Variants in PLD5 observed in about 807,000 individuals in gnomAD.
PLD5 encodes phospholipase D family member 5, also known as inactive phospholipase D5.
PLD5 carries 36 observed loss-of-function variants against 61.1 expected under a neutral mutation model. The ratio of observed to expected loss-of-function variants is 0.59; its 90% confidence interval spans 0.45 to 0.78. The LOEUF (loss-of-function observed/expected upper bound fraction) is 0.78. PLD5 is among the 30% of genes least tolerant of loss of function. The pLI is 0.00. For missense variants in PLD5, 515 were observed against 644.4 expected, an observed-to-expected ratio of 0.80 and a Z score of 2.17; for synonymous variants, 243 against 242.8, an observed-to-expected ratio of 1.00 and a Z score of -0.01.
chr1:242,492,367 T>C (rs919100448), intron 1 of PLD5, among the ~76,000 whole-genome samples: 2 of 150,516 alleles, frequency 1.3e-5, no homozygotes, highest in African/African-American at 4.9e-5. Flanking sequence ...AAACAAATAC[T>C]AAAAATTAGC....
At chr1:242,461,003 T>C (rs767350480) in intron 1 of PLD5, among the ~76,000 whole-genome samples, 11 of 152,070 alleles carry the variant, frequency 7.2e-5, no homozygotes, top group Non-Finnish European at 1.6e-4. Flanking sequence ...TAGCCAGATG[T>C]GGTGGCATGC....
chr1:242,333,436 C>T (rs879909975), intron 2 of PLD5, among the ~76,000 whole-genome samples: 3 of 152,124 alleles, frequency 2.0e-5, no homozygotes, highest in Non-Finnish European at 2.9e-5. Flanking sequence ...GGAAAGGTCT[C>T]TGTCTTCTGG....
chr1:242,461,005 G>A (rs955930865), intron 1 of PLD5, among the ~76,000 whole-genome samples: 4 of 152,190 alleles, frequency 2.6e-5, no homozygotes, highest in African/African-American at 9.6e-5. Context: ...GCCAGATGTG[G>A]TGGCATGCAC....
At chr1:242,449,969 G>T (rs998277252) in intron 1 of PLD5, among the ~76,000 whole-genome samples, 13 of 152,238 alleles carry the variant, frequency 8.5e-5, no homozygotes, top group Non-Finnish European at 1.6e-4. Flanking sequence ...CAGGTGGAAA[G>T]AAAAGTTCTT....
At chr1:242,289,760 T>TA (rs1470171365) in intron 2 of PLD5, among the ~76,000 whole-genome samples, 1 of 152,188 alleles carries the variant, frequency 6.6e-6, no homozygotes, top group African/African-American at 2.4e-5. Context: ...GAGATATAAT[T>TA]AGGGCTCACA....
At chr1:242,170,354 GA>G (rs1342561123) in intron 5 of PLD5, among the ~76,000 whole-genome samples, 1 of 152,098 alleles carries the variant, frequency 6.6e-6, no homozygotes, top group Non-Finnish European at 1.5e-5. Flanking sequence ...CTGTTAGAAG[GA>G]AAACTAACAA....
intron 1 of PLD5, among the ~76,000 whole-genome samples, chr1:242,501,531 A>G (rs1350973035): frequency 3.3e-5 from 5 of 152,220 alleles, no homozygotes; most frequent in African/African-American, 1.2e-4. Context: ...CATTGACATG[A>G]GCACTGTAAA....
At chr1:242,180,144 G>C (rs316870) in intron 5 of PLD5, among the ~76,000 whole-genome samples, 127,516 of 152,204 alleles carry the variant, frequency 0.84, 53,893 homozygotes, top group African/African-American at 0.95. Flanking sequence ...GGTCCTGGCT[G>C]TGTCACCGAC....
intron 2 of PLD5, among the ~76,000 whole-genome samples, chr1:242,333,857 TGC>T (rs1301291860): frequency 2.0e-5 from 3 of 152,130 alleles, no homozygotes; most frequent in Admixed American, 2.0e-4. Flanking sequence ...AATATTCCAT[TGC>T]ATATATATAT....
intron 1 of PLD5, among the ~76,000 whole-genome samples, chr1:242,493,804 C>T (rs1572240483): frequency 6.6e-6 from 1 of 152,154 alleles, no homozygotes; most frequent in East Asian, 1.9e-4. Flanking sequence ...GTCCCACAAG[C>T]AGTGCTCCAG....
chr1:242,121,804 A>G (rs1662386059), intron 6 of PLD5, among the ~76,000 whole-genome samples: 1 of 152,124 alleles, frequency 6.6e-6, no homozygotes, highest in South Asian at 2.1e-4. Flanking sequence ...ACATGGATGA[A>G]GCTGGAAACC....
At chr1:242,514,107 C>G (rs748276336) in intron 1 of PLD5, among the ~76,000 whole-genome samples, 39 of 152,220 alleles carry the variant, frequency 2.6e-4, no homozygotes, top group Non-Finnish European at 4.4e-4. Flanking sequence ...AATAAAGTAT[C>G]TATTCAAATA....
intron 1 of PLD5, among the ~76,000 whole-genome samples, chr1:242,362,945 G>T (rs1161028861): frequency 6.6e-6 from 1 of 152,100 alleles, no homozygotes; most frequent in East Asian, 1.9e-4. Context: ...CCTTGCCATG[G>T]CACAGAAAAG....
chr1:242,085,680 T>A lies in PLD5; in HGVS notation c.*4174A>T, dbSNP rs1292991818. 6.6e-6 allele frequency: 1 copy of A among 152,168 alleles called. No individual in the cohort carries two copies. The highest frequency in any genetic ancestry group is 2.4e-5 in the African/African-American group (1 of 41,448). The allele number at this position is 152,168 out of a possible 1,614,324, so 9.4% of individuals were successfully genotyped here. Reference sequence around the variant, plus strand: ...TTCATTGGGAACAAGTACAGAAAGATAAAAGAATGAAACATTTGTCCACAA... The same window carrying A: ...TTCATTGGGAACAAGTACAGAAAGAAAAAAGAATGAAACATTTGTCCACAA... On this transcript the variant is annotated 3_prime_UTR_variant, in exon 10 of 10. Coordinates refer to ENST00000536534, the MANE Select transcript of PLD5 (RefSeq NM_001372062.1).
chr1:242,192,589 T>G (rs562081257), intron 5 of PLD5, among the ~76,000 whole-genome samples: 30 of 152,310 alleles, frequency 2.0e-4, no homozygotes, highest in African/African-American at 7.0e-4. Flanking sequence ...CCAAAACACT[T>G]TTCCTCAAAA....
chr1:242,342,901 A>T (rs1232080268), intron 2 of PLD5, among the ~76,000 whole-genome samples: 1 of 152,086 alleles, frequency 6.6e-6, no homozygotes, highest in Non-Finnish European at 1.5e-5. Flanking sequence ...CACTATCAGT[A>T]CAGTAATCTA....
intron 1 of PLD5, among the ~76,000 whole-genome samples, chr1:242,414,166 G>A (rs1291086764): frequency 6.6e-6 from 1 of 152,172 alleles, no homozygotes; most frequent in Admixed American, 6.5e-5. Context: ...GACAAATTGG[G>A]ATTATGTGCT....
chr1:242,394,206 G>GTATATATGAGTA (rs1285854255), intron 1 of PLD5, among the ~76,000 whole-genome samples: 1 of 37,334 alleles, frequency 2.7e-5, no homozygotes, highest in Non-Finnish European at 5.4e-5. Flanking sequence ...ATATATATGT[G>GTATATATGAGTA]TATATGAGTA....
intron 1 of PLD5, among the ~76,000 whole-genome samples, chr1:242,448,571 C>G (rs375929737): frequency 1.3e-5 from 2 of 152,310 alleles, no homozygotes; most frequent in East Asian, 3.9e-4. Flanking sequence ...TTCTTCCCCC[C>G]ATCTCCCGTG....
Sources: gnomAD v4.1 joint callset for allele counts (sites outside exome capture counted in the v4.1 genomes callset) on GRCh38, gnomAD v4.1.1 for gene constraint, MANE v1.5 for transcripts, NCBI Gene and HGNC (gene_info 2026-07-23, HGNC 2026-07-21) for gene names.